MGMT: variants seen among roughly 807,000 people sequenced by gnomAD.
MGMT encodes the protein O-6-methylguanine-DNA methyltransferase, also known as methylated-DNA--protein-cysteine methyltransferase.
A neutral mutation model predicts 15.9 loss-of-function variants in MGMT; 14 were observed. The ratio of observed to expected loss-of-function variants is 0.88; its 90% CI spans 0.58 to 1.37. The LOEUF (loss-of-function observed/expected upper bound fraction) is 1.37, where lower values mean the gene tolerates loss of function less well. Among genes scored for constraint, MGMT ranks in the 40% most tolerant of loss-of-function variants. The probability of loss-of-function intolerance (pLI) is 0.00; values close to 1 mark genes in which losing one functional copy is unlikely to be tolerated. For synonymous variants in MGMT, 130 were observed against 118.2 expected (o/e 1.10, Z -0.65); for missense variants, 282 against 268.1 (o/e 1.05, Z -0.36).
chr10:129,571,489 A>G (rs1196129840), intron 2 of MGMT, among the ~76,000 whole-genome samples: 1 of 152,198 alleles, frequency 6.6e-6, no homozygotes, highest in Non-Finnish European at 1.5e-5. Flanking sequence ...GAAGTATTGT[A>G]TGTTCCTGTA....
chr10:129,496,164 T>C (rs768198565), intron 1 of MGMT, among the ~76,000 whole-genome samples: 3 of 152,196 alleles, frequency 2.0e-5, no homozygotes, highest in Non-Finnish European at 4.4e-5. Flanking sequence ...CAAATGTTGC[T>C]ACAAGCTGAA....
intron 2 of MGMT, among the ~76,000 whole-genome samples, chr10:129,561,790 C>T (rs954556581): frequency 2.0e-5 from 3 of 152,126 alleles, no homozygotes; most frequent in African/African-American, 7.2e-5. Context: ...TTGACCAGGT[C>T]CATGGGTTGC....
intron 1 of MGMT, among the ~76,000 whole-genome samples, chr10:129,499,299 G>A (rs1376923428): frequency 6.6e-6 from 1 of 152,210 alleles, no homozygotes; most frequent in Non-Finnish European, 1.5e-5. Context: ...GACTCAAATA[G>A]AAAATGAAAT....
In MGMT at chr10:129,533,358, G is replaced by A. The variant is rs1294981515; in HGVS notation, c.-12-2883G>A. ...AGAGTGCTACCTGATGCAGGTGCTC[G>A]GGGCTGGCCAGGATCCCCACCTGAG... On this transcript the variant is annotated intron_variant, in intron 1 of 4. Transcript: ENST00000651593. The surrounding 1 kb of genome is among the most constrained non-coding windows in gnomAD (Gnocchi z 4.5). Among the ~76,000 whole-genome samples the A allele has an allele frequency of 1.3e-5, 2 of 152,274 alleles. No homozygotes were observed. The highest frequency in any genetic ancestry group is 6.5e-5 in the Admixed American group (1 of 15,296).
chr10:129,469,951 A>T (rs1361900146), intron 1 of MGMT, among the ~76,000 whole-genome samples: 2 of 151,990 alleles, frequency 1.3e-5, no homozygotes, highest in Admixed American at 6.6e-5. Context: ...GACTCAAGTG[A>T]TCTTCCCTCC....
intron 3 of MGMT, among the ~76,000 whole-genome samples, chr10:129,713,637 G>C (rs536987083): frequency 2.0e-5 from 3 of 152,292 alleles, no homozygotes; most frequent in Non-Finnish European, 2.9e-5. Context: ...AAAGAGAAAA[G>C]CTGGAATGTT....
intron 2 of MGMT, among the ~76,000 whole-genome samples, chr10:129,597,529 A>G (rs2133058583): frequency 1.3e-5 from 2 of 152,294 alleles, no homozygotes; most frequent in South Asian, 4.1e-4. Context: ...GAAATCTTTG[A>G]GAAGAAATAT....
chr10:129,710,861 A>G (rs1020971537), intron 3 of MGMT, among the ~76,000 whole-genome samples: 8 of 152,226 alleles, frequency 5.3e-5, no homozygotes, highest in East Asian at 1.9e-4. Context: ...TCCTTGACCA[A>G]TTCCTTTTTC....
chr10:129,675,507 G>A (rs562008210), intron 2 of MGMT, among the ~76,000 whole-genome samples: 8 of 152,334 alleles, frequency 5.3e-5, no homozygotes, highest in African/African-American at 1.9e-4. Context: ...GTGGGCCCGT[G>A]TTGCTGGCAT....
At chr10:129,638,078 G>T (rs1439066973) in intron 2 of MGMT, among the ~76,000 whole-genome samples, 1 of 152,164 alleles carries the variant, frequency 6.6e-6, no homozygotes, top group Non-Finnish European at 1.5e-5. Flanking sequence ...GCAGGTGCTG[G>T]CTCATGCTGA....
chr10:129,712,997 T>C (rs1206681602), intron 3 of MGMT, among the ~76,000 whole-genome samples: 1 of 152,226 alleles, frequency 6.6e-6, no homozygotes, highest in Non-Finnish European at 1.5e-5. Context: ...TGAGTTTTTC[T>C]ACAGAGACAC....
At position 129,600,170 on chromosome 10, in the gene MGMT, C is replaced by T. The variant is rs539488031; in HGVS notation, c.125+63793C>T. The stretch of plus-strand genomic sequence containing the variant: ...ACAGCCTTACATCCACTGCTGGCTG[C>T]GGCTTCTCTGAGCGACCCATCTCTG... On this transcript the variant is annotated intron_variant, in intron 2 of 4. Coordinates refer to ENST00000651593, the MANE Select transcript of MGMT (RefSeq NM_002412.5). 1.4e-4 allele frequency among the ~76,000 whole-genome samples: 21 copies of T among 152,302 alleles called. No homozygotes were observed. In the South Asian group the frequency reaches 1.7e-3, roughly 12 times the overall value.
chr10:129,562,972 C>T lies in MGMT; in HGVS notation c.125+26595C>T, dbSNP rs1032547204. Among the ~76,000 whole-genome samples, 3 of 152,112 alleles carry T rather than the reference C, an allele frequency of 2.0e-5. No homozygotes were observed. In the East Asian group the frequency reaches 5.8e-4, roughly 29 times the overall value. On this transcript the variant is annotated intron_variant, in intron 2 of 4. Coordinates refer to ENST00000651593, the MANE Select transcript of MGMT (RefSeq NM_002412.5). ...CAGTAGAAACTGTACCACAAGTGCC[C>T]GTGCCACCATTCTGCGTCTCAGTAC...
At chr10:129,601,086 A>ATT (rs113444809) in intron 2 of MGMT, among the ~76,000 whole-genome samples, 3 of 143,352 alleles carry the variant, frequency 2.1e-5, no homozygotes, top group Middle Eastern at 3.6e-3. Flanking sequence ...ATCTGAAAGC[A>ATT]TTTTTTTTTT....
intron 1 of MGMT, among the ~76,000 whole-genome samples, chr10:129,530,214 T>C (rs1845915622): frequency 6.6e-6 from 1 of 152,196 alleles, no homozygotes. Context: ...AGATTGGATA[T>C]TAATACAGTT....
In MGMT at chr10:129,566,908, G is replaced by A. The variant is rs1312633675; in HGVS notation, c.125+30531G>A. 6.6e-6 allele frequency among the ~76,000 whole-genome samples: 1 copy of A among 152,118 alleles called. No individual in the cohort carries two copies. The highest frequency in any genetic ancestry group is 2.4e-5 in the African/African-American group (1 of 41,426). On this transcript the variant is annotated intron_variant, in intron 2 of 4. Transcript: ENST00000651593. This position sits in a 1 kb window ranked among gnomAD's most constrained non-coding sequence, Gnocchi z 4.1. ...GGCAGTGAGACTGAGTGGCCAGTGA[G>A]CAATCCGTCATCAATGGAGATCAAT...
At chr10:129,763,312 C>T (rs1328512555) in intron 4 of MGMT, among the ~76,000 whole-genome samples, 1 of 152,204 alleles carries the variant, frequency 6.6e-6, no homozygotes, top group African/African-American at 2.4e-5. Flanking sequence ...CAATAAATTT[C>T]AGCAGGTTTC....
rs777810890 is a variant in MGMT at position 129,498,806 on chromosome 10, G to A, written c.-13+31510G>A. Among the ~76,000 whole-genome samples the A allele has an allele frequency of 2.3e-3, 347 of 152,302 alleles. 4 individuals are homozygous for A. Among genetic ancestry groups the A allele is most frequent in the Non-Finnish European group, 3.2e-3 (219 of 68,030 alleles). On this transcript the variant is annotated intron_variant, in intron 1 of 4. Coordinates refer to ENST00000651593, the MANE Select transcript of MGMT (RefSeq NM_002412.5). ...CCTTTTAGCTGGAGGATGATGTTTA[G>A]CAGCCAAGATCTGGGTGCTGAGTGT...
intron 3 of MGMT, among the ~76,000 whole-genome samples, chr10:129,719,100 G>A (rs939754599): frequency 1.3e-5 from 2 of 150,266 alleles, no homozygotes; most frequent in African/African-American, 5.0e-5. Flanking sequence ...CCATTCAGCT[G>A]TGTCACCTTC....
Sources: allele counts gnomAD v4.1 joint callset (sites outside exome capture counted in the v4.1 genomes callset), GRCh38; gene constraint gnomAD v4.1.1; non-coding constraint Gnocchi (gnomAD v3.1); transcripts MANE v1.5; gene names NCBI Gene and HGNC (gene_info 2026-07-23, HGNC 2026-07-21).